The following ENOX1 variants were observed in gnomAD, a reference collection of about 807,000 sequenced individuals.
ENOX1 encodes candidate growth-related and time keeping constitutive hydroquinone (NADH) oxidase.
In ENOX1, 42 loss-of-function variants were observed where a neutral mutation model predicts 82.5. That is an observed-to-expected ratio of 0.51 (90% confidence interval 0.40 to 0.66). ENOX1 has a LOEUF of 0.66. Among genes scored for constraint, ENOX1 ranks in the 30% least tolerant of loss-of-function variants. ENOX1 has a pLI of 0.00. For synonymous variants in ENOX1, 271 were observed against 282.2 expected (o/e 0.96, Z 0.40); for missense variants, 608 against 811.6 (o/e 0.75, Z 3.05).
intron 1 of ENOX1, among the ~76,000 whole-genome samples, chr13:43,785,052 C>T (rs1248865805): frequency 1.3e-5 from 2 of 152,216 alleles, no homozygotes; most frequent in Non-Finnish European, 2.9e-5. Context: ...AACTGTTTAA[C>T]GCATCTCCTC....
At chr13:43,771,293 A>G (rs1231287953) in intron 1 of ENOX1, among the ~76,000 whole-genome samples, 1 of 152,144 alleles carries the variant, frequency 6.6e-6, no homozygotes. Flanking sequence ...CTATCATATT[A>G]GACAGATGGT....
chr13:43,724,989 GA>G (rs1219757610), intron 1 of ENOX1, among the ~76,000 whole-genome samples: 1 of 152,176 alleles, frequency 6.6e-6, no homozygotes, highest in Non-Finnish European at 1.5e-5. Context: ...GGGACAAGGG[GA>G]GAGAGAGGGC....
chr13:43,749,900 A>G (rs1950223880), intron 1 of ENOX1, among the ~76,000 whole-genome samples: 1 of 152,196 alleles, frequency 6.6e-6, no homozygotes, highest in African/African-American at 2.4e-5. Flanking sequence ...TCCTCCCAAC[A>G]TATAAGACAA....
chr13:43,327,195 C>T (rs2048163784), intron 9 of ENOX1, among the ~76,000 whole-genome samples: 1 of 152,214 alleles, frequency 6.6e-6, no homozygotes, highest in South Asian at 2.1e-4. Flanking sequence ...AAAGCTCACC[C>T]AACCAGTGGC....
chr13:43,597,772 T>C (rs1211912675), intron 2 of ENOX1, among the ~76,000 whole-genome samples: 1 of 152,184 alleles, frequency 6.6e-6, no homozygotes, highest in Non-Finnish European at 1.5e-5. Flanking sequence ...CCCTATACAA[T>C]GTACTGGGTC....
chr13:43,406,989 T>C (rs560873123), intron 5 of ENOX1, among the ~76,000 whole-genome samples: 2 of 152,328 alleles, frequency 1.3e-5, no homozygotes, highest in South Asian at 4.1e-4. Context: ...GAAAGCACTA[T>C]TAGTTCCCAT....
chr13:43,538,664 G>A (rs191388868), intron 2 of ENOX1, among the ~76,000 whole-genome samples: 1 of 152,088 alleles, frequency 6.6e-6, no homozygotes. Context: ...ACATAAAGTT[G>A]TTAATATCCT....
chr13:43,765,845 AG>A (rs1374179016), intron 1 of ENOX1, among the ~76,000 whole-genome samples: 1 of 152,204 alleles, frequency 6.6e-6, no homozygotes, highest in Non-Finnish European at 1.5e-5. Context: ...ATTATAATAA[AG>A]ATAGTAATGT....
intron 2 of ENOX1, among the ~76,000 whole-genome samples, chr13:43,554,506 GGTACCCAGAAGACTTGT>G (rs2079348549): frequency 6.6e-6 from 1 of 152,088 alleles, no homozygotes; most frequent in East Asian, 1.9e-4. Flanking sequence ...TGAGAAAAGT[GGTACCCAGAAGACTTGT>G]GTAGCCAGTA....
At chr13:43,397,431 C>T (rs2153586634) in intron 5 of ENOX1, among the ~76,000 whole-genome samples, 1 of 152,278 alleles carries the variant, frequency 6.6e-6, no homozygotes, top group African/African-American at 2.4e-5. Flanking sequence ...ACTGGAGTCA[C>T]CTCACATTAG....
chr13:43,764,989 G>C (rs17539382), intron 1 of ENOX1, among the ~76,000 whole-genome samples: 1 of 152,146 alleles, frequency 6.6e-6, no homozygotes, highest in Non-Finnish European at 1.5e-5. Context: ...TTTGCTTCAC[G>C]GGCAGAACAC....
chr13:43,755,083 A>T (rs78590277), intron 1 of ENOX1, among the ~76,000 whole-genome samples: 4 of 4,998 alleles, frequency 8.0e-4, no homozygotes, highest in South Asian at 0.091. Context: ...CAGGAGATTA[A>T]AAAAAAAAAA....
intron 2 of ENOX1, among the ~76,000 whole-genome samples, chr13:43,581,136 T>C (rs2080710726): frequency 7.6e-6 from 1 of 131,924 alleles, no homozygotes; most frequent in Non-Finnish European, 1.6e-5. Flanking sequence ...TTTTTTTTTT[T>C]TTTTTTTTTT....
chr13:43,235,244 C>G (rs1463794083), intron 15 of ENOX1, among the ~76,000 whole-genome samples: 1 of 151,328 alleles, frequency 6.6e-6, no homozygotes, highest in South Asian at 2.1e-4. Context: ...TGTATATCAT[C>G]AGAGCAAAAA....
intron 2 of ENOX1, among the ~76,000 whole-genome samples, chr13:43,535,612 G>A (rs1006282272): frequency 1.2e-4 from 19 of 152,110 alleles, no homozygotes; most frequent in African/African-American, 9.7e-5. Flanking sequence ...CCAAGTTCAC[G>A]ATTCAGGTGT....
chr13:43,465,709 C>T lies in ENOX1; in HGVS notation c.-75+18300G>A, dbSNP rs529421585. Among the ~76,000 whole-genome samples, 95 of 152,182 alleles carry T rather than the reference C, an allele frequency of 6.2e-4. 1 individual carries two copies. The South Asian group carries it at 0.019, about 30-fold the overall frequency. ...GTCTATAATTGTTTCTGTGTCTGTCCGTATGCATATTTATCAAATTAAATA... is the reference window on the plus strand; with the variant it reads ...GTCTATAATTGTTTCTGTGTCTGTCTGTATGCATATTTATCAAATTAAATA... On this transcript the variant is annotated intron_variant, in intron 3 of 16. Transcript: ENST00000690772.
At position 43,297,990 on chromosome 13, in the gene ENOX1, C is replaced by T. The variant is rs567427342; in HGVS notation, c.1446+356G>A. Among the ~76,000 whole-genome samples, 42 of 152,348 alleles carry T rather than the reference C, an allele frequency of 2.8e-4. No individual in the cohort carries two copies. The South Asian group carries it at 5.0e-3, about 18-fold the overall frequency. ...AAACTGCTTTTGTAAAATCAGTTGTCGTGCTTTGAAGTTAAAAGTTCTAAG... is the reference window on the plus strand; with the variant it reads ...AAACTGCTTTTGTAAAATCAGTTGTTGTGCTTTGAAGTTAAAAGTTCTAAG... On this transcript the variant is annotated intron_variant, in intron 12 of 16. Transcript: ENST00000690772.
At chr13:43,752,538 G>A (rs1950377236) in intron 1 of ENOX1, among the ~76,000 whole-genome samples, 2 of 152,130 alleles carry the variant, frequency 1.3e-5, no homozygotes, top group Non-Finnish European at 2.9e-5. Flanking sequence ...TCCATGTGGT[G>A]TTCATTTTTG....
chr13:43,444,796 A>G (rs2056536750), intron 3 of ENOX1, among the ~76,000 whole-genome samples: 1 of 152,174 alleles, frequency 6.6e-6, no homozygotes, highest in Non-Finnish European at 1.5e-5. Flanking sequence ...ATTCAGGAGG[A>G]CAAGCCTTGG....
Sources: gnomAD v4.1 joint callset for allele counts (sites outside exome capture counted in the v4.1 genomes callset) on GRCh38, gnomAD v4.1.1 for gene constraint, MANE v1.5 for transcripts, NCBI Gene and HGNC (gene_info 2026-07-23, HGNC 2026-07-21) for gene names.